Variants in NUCKS1 observed in about 807,000 individuals in gnomAD.
NUCKS1 encodes the protein nuclear casein kinase and cyclin dependent kinase substrate 1.
Under a neutral mutation model 33.0 loss-of-function variants are expected in NUCKS1, and 2 were observed. The observed-to-expected ratio is 0.06, with a 90% confidence interval of 0.02 to 0.19. NUCKS1 has a LOEUF of 0.19. Ranked by LOEUF, NUCKS1 falls within the 10% of genes least tolerant of loss-of-function variation. NUCKS1 has a pLI of 1.00. For missense variants in NUCKS1, 201 were observed against 293.6 expected (o/e 0.68, Z 2.31); for synonymous variants, 106 against 102.8 (o/e 1.03, Z -0.19).
intron 1 of NUCKS1, among the ~76,000 whole-genome samples, chr1:205,734,342 C>T (rs1473117898): frequency 6.6e-6 from 1 of 151,984 alleles, no homozygotes; most frequent in African/African-American, 2.4e-5. Flanking sequence ...AAGACTATCC[C>T]TTCCGTTGAA....
Position 205,722,546 on chromosome 1 carries a change from C to T in NUCKS1, c.229+1380G>A, listed in dbSNP as rs188883049. ...TGCTGGGATTACAGGCATGAGCCAC[C>T]GGGCTCAGCCAAATTTTTGTATTTT... On this transcript the variant is annotated intron_variant, in intron 4 of 6. Coordinates refer to ENST00000367142, the MANE Select transcript of NUCKS1 (RefSeq NM_022731.5). Among the ~76,000 whole-genome samples, 685 of 152,300 alleles carry T rather than the reference C, an allele frequency of 4.5e-3. 1 individual carries two copies. The highest frequency in any genetic ancestry group is 7.6e-3 in the Non-Finnish European group (519 of 68,020).
chr1:205,750,014 C>CCGGGGGGGGGG lies in NUCKS1; in HGVS notation c.-42_-41insCCCCCCCCCCG. On this transcript the variant is annotated 5_prime_UTR_variant, in exon 1 of 7. Transcript: ENST00000367142. ...AGGACCGAGTCGAGAAGCCAAAGAC[C>CCGGGGGGGGGG]AGGACCCCCCCCACCCCGCGCGCTC... 3.8e-6 allele frequency: 6 copies of CCGGGGGGGGGG among 1,568,858 alleles called. No homozygotes were observed. The highest frequency in any genetic ancestry group is 3.5e-6 in the Non-Finnish European group (4 of 1,154,148).
chr1:205,733,677 A>C (rs1653969668), intron 1 of NUCKS1, among the ~76,000 whole-genome samples: 1 of 152,118 alleles, frequency 6.6e-6, no homozygotes, highest in Admixed American at 6.6e-5. Context: ...GCATTATATT[A>C]AAATATAATA....
In NUCKS1 at chr1:205,719,602, T is replaced by G; in HGVS notation, c.457A>C (p.Asn153His). Residue 153 changes from asparagine (N) to histidine (H), a missense_variant, in exon 6 of 7, where the codon AAC becomes CAC. Physicochemically the swap from Asn to His is moderately conservative, Grantham distance 68 (BLOSUM62 1). Coordinates refer to ENST00000367142, the MANE Select transcript of NUCKS1 (RefSeq NM_022731.5). ...TTGGACTTCTTAACCATCTTTTTGT[T>G]TTTCTTTTTCGAACTGCCATAGTCA... is the stretch of plus-strand genomic sequence containing the variant. ...DSDYGSSKKK[N>H]KKMVKKSKPE... The G allele has an allele frequency of 1.9e-6, 3 of 1,613,884 alleles. No homozygotes were observed. The highest frequency in any genetic ancestry group is 2.5e-6 in the Non-Finnish European group (3 of 1,179,910).
chr1:205,744,373 T>C (rs1005628813), intron 1 of NUCKS1, among the ~76,000 whole-genome samples: 1 of 152,190 alleles, frequency 6.6e-6, no homozygotes, highest in African/African-American at 2.4e-5. Flanking sequence ...TTGTGCATGA[T>C]TTTGAAATAT....
intron 1 of NUCKS1, among the ~76,000 whole-genome samples, chr1:205,741,126 C>G (rs1271882554): frequency 6.6e-6 from 1 of 150,998 alleles, no homozygotes; most frequent in African/African-American, 2.4e-5. Context: ...CGGTGAAAGC[C>G]CGTCTCTACT....
chr1:205,747,238 G>A (rs1351964037), intron 1 of NUCKS1, among the ~76,000 whole-genome samples: 2 of 152,158 alleles, frequency 1.3e-5, no homozygotes, highest in African/African-American at 4.8e-5. Flanking sequence ...CTGCTAGTTC[G>A]TGATGCAAGG....
intron 1 of NUCKS1, among the ~76,000 whole-genome samples, chr1:205,739,354 T>C (rs1288749292): frequency 1.3e-5 from 2 of 152,210 alleles, no homozygotes; most frequent in Non-Finnish European, 2.9e-5. Flanking sequence ...CCCTTTAAAA[T>C]TTGGAAGATT....
At chr1:205,745,667 A>T (rs1654302943) in intron 1 of NUCKS1, among the ~76,000 whole-genome samples, 1 of 152,174 alleles carries the variant, frequency 6.6e-6, no homozygotes, top group African/African-American at 2.4e-5. Flanking sequence ...ACTGAATACT[A>T]GGCAAGAAAG....
In NUCKS1 at chr1:205,716,772, C is replaced by T. The variant is rs1005200092; in HGVS notation, c.*1508G>A. Reference sequence around the variant, plus strand: ...CCTTTAAACCTTGTTCCCATTAGCGCCTGGTATTAGATGTGAAGGATCAAA... The same window carrying T: ...CCTTTAAACCTTGTTCCCATTAGCGTCTGGTATTAGATGTGAAGGATCAAA... On this transcript the variant is annotated 3_prime_UTR_variant, in exon 7 of 7. Transcript: ENST00000367142. 3 of 152,120 alleles carry T rather than the reference C, an allele frequency of 2.0e-5. No individual in the cohort carries two copies. The highest frequency in any genetic ancestry group is 4.4e-5 in the Non-Finnish European group (3 of 68,024). 9.4% of individuals were successfully genotyped at this position (152,120 alleles called of 1,614,324 possible).
intron 3 of NUCKS1, among the ~76,000 whole-genome samples, chr1:205,725,725 C>T (rs183035594): frequency 2.0e-5 from 3 of 152,192 alleles, no homozygotes; most frequent in Admixed American, 6.5e-5. Context: ...GCAATAAAAC[C>T]TGTATTTATT....
chr1:205,725,824 T>A (rs1233883678), intron 3 of NUCKS1, among the ~76,000 whole-genome samples: 1 of 152,202 alleles, frequency 6.6e-6, no homozygotes, highest in Non-Finnish European at 1.5e-5. Context: ...AATGAGACAT[T>A]ATAACATGCC....
At chr1:205,720,791 A>G in intron 4 of NUCKS1, 138 bp from the exon 5 acceptor site, 1 of 834,730 alleles carries the variant, frequency 1.2e-6, no homozygotes, top group Non-Finnish European at 1.8e-6. Context: ...TATAATCTGC[A>G]GCTTTATTTC....
chr1:205,731,895 CAAA>C (rs34020544), intron 1 of NUCKS1, among the ~76,000 whole-genome samples: 3 of 111,870 alleles, frequency 2.7e-5, no homozygotes, highest in Non-Finnish European at 3.8e-5. Flanking sequence ...GACTCCGTCT[CAAA>C]AAAAAAAAAA....
chr1:205,725,188 A>G (rs1292606183), intron 3 of NUCKS1, among the ~76,000 whole-genome samples: 9 of 152,166 alleles, frequency 5.9e-5, no homozygotes, highest in African/African-American at 1.7e-4. Context: ...AGCACCTAGT[A>G]GTCTGTTTGT....
chr1:205,743,543 G>A (rs954331464), intron 1 of NUCKS1, among the ~76,000 whole-genome samples: 9 of 152,248 alleles, frequency 5.9e-5, no homozygotes, highest in African/African-American at 1.4e-4. Context: ...TACAATAGGC[G>A]TTAAACCTTT....
intron 4 of NUCKS1, 48 bp downstream of exon 4, chr1:205,723,878 T>C (rs1394988602): frequency 7.6e-7 from 1 of 1,307,938 alleles, no homozygotes; most frequent in Non-Finnish European, 1.1e-6. Context: ...TCTAATAAAA[T>C]AATATACAAA....
intron 1 of NUCKS1, among the ~76,000 whole-genome samples, chr1:205,735,592 A>G (rs1198390469): frequency 1.6e-4 from 24 of 152,206 alleles, no homozygotes; most frequent in Admixed American, 1.5e-3. Flanking sequence ...CCTGACTCTT[A>G]CTAGTTGTAT....
At chr1:205,720,149 T>A (rs1442594742) in intron 5 of NUCKS1, among the ~76,000 whole-genome samples, 1 of 152,192 alleles carries the variant, frequency 6.6e-6, no homozygotes, top group Non-Finnish European at 1.5e-5. Context: ...ATTATTAACA[T>A]GTTTTTTTCT....
Sources: gnomAD v4.1 joint callset for allele counts (sites outside exome capture counted in the v4.1 genomes callset) on GRCh38, gnomAD v4.1.1 for gene constraint, MANE v1.5 for transcripts, NCBI Gene and HGNC (gene_info 2026-07-23, HGNC 2026-07-21) for gene names.